ARSB: variants seen among roughly 807,000 people sequenced by gnomAD.
The protein encoded by ARSB is N-acetylgalactosamine-4-sulfatase.
Under a neutral mutation model 50.9 loss-of-function variants are expected in ARSB, and 41 were observed. The observed-to-expected ratio is 0.81, with a 90% CI of 0.63 to 1.04. ARSB has a LOEUF of 1.04. Among genes scored for constraint, ARSB ranks in the 50% least tolerant of loss-of-function variants. The pLI is 0.00. For missense variants in ARSB, 672 were observed against 693.3 expected (o/e 0.97, Z 0.35); for synonymous variants, 269 against 284.8 (o/e 0.94, Z 0.56).
At chr5:78,841,779 A>G (rs1247014586) in intron 5 of ARSB, among the ~76,000 whole-genome samples, 1 of 152,190 alleles carries the variant, frequency 6.6e-6, no homozygotes, top group East Asian at 1.9e-4. Context: ...TGATTTTTTG[A>G]AACCAAGCGT....
intron 5 of ARSB, chr5:78,884,759 A>G (rs1182589651): frequency 1.3e-5 from 2 of 152,046 alleles, no homozygotes; most frequent in Non-Finnish European, 2.9e-5. Context: ...GGATGAGATG[A>G]AATTAGATAT....
intron 5 of ARSB, among the ~76,000 whole-genome samples, chr5:78,844,668 T>C (rs1561453674): frequency 6.6e-6 from 1 of 152,198 alleles, no homozygotes; most frequent in African/African-American, 2.4e-5. Flanking sequence ...AATTCTTACA[T>C]TTAGGTCTAT....
In ARSB at chr5:78,910,935, C is replaced by T. The variant is rs376134497; in HGVS notation, c.899-25108G>A. Among the ~76,000 whole-genome samples, 16 of 152,260 alleles carry T rather than the reference C, an allele frequency of 1.1e-4. No homozygotes were observed. The East Asian group carries it at 1.5e-3, about 15-fold the overall frequency. ...TGCTCCTGGGACCATACTTAGAGAA[C>T]TATTGCTCCAGAAAGAGATTTAATG... On this transcript the variant is annotated intron_variant, in intron 4 of 7. Coordinates refer to ENST00000264914, the MANE Select transcript of ARSB (RefSeq NM_000046.5).
chr5:78,910,932 G>T (rs542309482), intron 4 of ARSB, among the ~76,000 whole-genome samples: 1 of 152,286 alleles, frequency 6.6e-6, no homozygotes, highest in South Asian at 2.1e-4. Flanking sequence ...CATACTTAGA[G>T]AACTATTGCT....
At chr5:78,968,230 C>CA (rs11413324) in intron 2 of ARSB, among the ~76,000 whole-genome samples, 26,228 of 147,680 alleles carry the variant, frequency 0.18, 2,355 homozygotes, top group Middle Eastern at 0.23. Context: ...CCACCCCCTT[C>CA]AAAAAAAAAG....
chr5:78,932,347 T>C (rs1463068141), intron 4 of ARSB, among the ~76,000 whole-genome samples: 1 of 152,256 alleles, frequency 6.6e-6, no homozygotes, highest in Non-Finnish European at 1.5e-5. Context: ...TGGACTCACC[T>C]AACTGTGGTA....
At chr5:78,953,557 T>G (rs1561523613) in intron 4 of ARSB, among the ~76,000 whole-genome samples, 1 of 151,926 alleles carries the variant, frequency 6.6e-6, no homozygotes, top group South Asian at 2.1e-4. Flanking sequence ...ACAAAACAAC[T>G]CGTGAAAAAA....
At chr5:78,942,903 G>A (rs1390802509) in intron 4 of ARSB, among the ~76,000 whole-genome samples, 2 of 152,178 alleles carry the variant, frequency 1.3e-5, no homozygotes, top group African/African-American at 2.4e-5. Context: ...CATTATTATT[G>A]TGTGGGAGTC....
At chr5:78,980,981 C>G (rs1282881135) in intron 1 of ARSB, among the ~76,000 whole-genome samples, 2 of 3,514 alleles carry the variant, frequency 5.7e-4, no homozygotes, top group South Asian at 0.013. Flanking sequence ...GACGGAGTCT[C>G]GCTCTGTCGC....
chr5:78,816,245 A>G lies in ARSB; in HGVS notation c.1213+23111T>C. ...GACTGTGAATTCCTAAAGGGCAAGGACTGTCTCCTTCATTATTCTAGTGCC... is the reference window on the plus strand; with the variant it reads ...GACTGTGAATTCCTAAAGGGCAAGGGCTGTCTCCTTCATTATTCTAGTGCC... On this transcript the variant is annotated intron_variant, in intron 6 of 7. Coordinates refer to ENST00000264914, the MANE Select transcript of ARSB (RefSeq NM_000046.5). 22 of 1,552,884 alleles carry G rather than the reference A, an allele frequency of 1.4e-5. No individual in the cohort carries two copies. In the South Asian group the frequency reaches 2.5e-4, roughly 18 times the overall value.
intron 5 of ARSB, among the ~76,000 whole-genome samples, chr5:78,881,507 A>G (rs577381125): frequency 6.6e-6 from 1 of 152,326 alleles, no homozygotes; most frequent in East Asian, 1.9e-4. Context: ...AAAAACACCT[A>G]CTTTTCAGTA....
intron 4 of ARSB, among the ~76,000 whole-genome samples, chr5:78,894,924 C>T (rs747256169): frequency 6.6e-5 from 10 of 152,122 alleles, no homozygotes; most frequent in Non-Finnish European, 1.5e-5. Context: ...GAGGAAAGAA[C>T]ATGGAAGGCA....
intron 6 of ARSB, among the ~76,000 whole-genome samples, chr5:78,834,671 T>A (rs943729557): frequency 2.9e-4 from 40 of 137,532 alleles, no homozygotes; most frequent in Admixed American, 1.4e-3. Context: ...ATTCATCCAT[T>A]CACTGATGGA....
chr5:78,888,772 T>C (rs1301325484), intron 4 of ARSB, among the ~76,000 whole-genome samples: 2 of 152,378 alleles, frequency 1.3e-5, no homozygotes, highest in African/African-American at 2.4e-5. Flanking sequence ...CTTTTGCTAC[T>C]GTAGGAAAGG....
At chr5:78,866,084 CA>C (rs1473211669) in intron 5 of ARSB, among the ~76,000 whole-genome samples, 3 of 152,170 alleles carry the variant, frequency 2.0e-5, no homozygotes, top group Non-Finnish European at 4.4e-5. Flanking sequence ...GGTATCTTTT[CA>C]TCAGTGCCCC....
At chr5:78,791,814 C>A (rs1423230085) in intron 6 of ARSB, among the ~76,000 whole-genome samples, 1 of 152,194 alleles carries the variant, frequency 6.6e-6, no homozygotes, top group East Asian at 1.9e-4. Context: ...ACACTCTGAA[C>A]TGATGCTTTA....
chr5:78,827,264 A>C (rs950217574), intron 6 of ARSB, among the ~76,000 whole-genome samples: 1 of 152,102 alleles, frequency 6.6e-6, no homozygotes, highest in African/African-American at 2.4e-5. Context: ...GCTGGAGTGC[A>C]GTGGTGCACT....
intron 5 of ARSB, among the ~76,000 whole-genome samples, chr5:78,858,602 A>G (rs1408824730): frequency 1.3e-5 from 2 of 152,208 alleles, no homozygotes; most frequent in Non-Finnish European, 2.9e-5. Flanking sequence ...TTCTTTTACC[A>G]CTAACTGCTG....
intron 4 of ARSB, among the ~76,000 whole-genome samples, chr5:78,917,313 G>A (rs527327567): frequency 2.0e-5 from 3 of 152,130 alleles, no homozygotes. Context: ...AAGCACAAAG[G>A]AACGTCAACT....
Sources: allele counts gnomAD v4.1 joint callset (sites outside exome capture counted in the v4.1 genomes callset), GRCh38; gene constraint gnomAD v4.1.1; transcripts MANE v1.5; gene names NCBI Gene and HGNC (gene_info 2026-07-23, HGNC 2026-07-21).